The following MEP1B variants were observed in gnomAD, a reference collection of about 807,000 sequenced individuals.
MEP1B encodes the protein meprin A subunit beta.
Under a neutral mutation model 84.6 loss-of-function variants are expected in MEP1B, and 80 were observed. The observed-to-expected ratio is 0.95, with a 90% CI of 0.79 to 1.14. MEP1B has a LOEUF of 1.14. Ranked by LOEUF, MEP1B falls within the 50% of genes most tolerant of loss-of-function variation. The pLI, the probability that MEP1B is intolerant of heterozygous loss-of-function variation, is 0.00. For synonymous variants in MEP1B, 273 were observed against 288.1 expected, an observed-to-expected ratio of 0.95 and a Z score of 0.53; for missense variants, 766 against 855.1, an observed-to-expected ratio of 0.90 and a Z score of 1.30.
intron 14 of MEP1B, among the ~76,000 whole-genome samples, 160 bp downstream of exon 14, chr18:32,218,125 T>G (rs1004228352): frequency 6.6e-6 from 1 of 152,376 alleles, no homozygotes; most frequent in East Asian, 1.9e-4. Context: ...TTACTTTCAC[T>G]GTAAATCAAC....
chr18:32,211,079 C>T (rs1199324557), intron 10 of MEP1B, among the ~76,000 whole-genome samples: 1 of 152,030 alleles, frequency 6.6e-6, no homozygotes, highest in Non-Finnish European at 1.5e-5. Context: ...GACTGGTCAA[C>T]ATATAGTGAA....
In MEP1B at chr18:32,207,968, A is replaced by G. The variant is rs910091880; in HGVS notation, c.767-151A>G. 7.0e-5 allele frequency: 50 copies of G among 716,064 alleles called. No homozygotes were observed. In the Admixed American group the frequency reaches 1.2e-3, roughly 17 times the overall value. 44.4% of individuals were successfully genotyped at this position (716,064 alleles called of 1,614,324 possible). ...CTTCTTTGTAGGGGTTCTGCAAATA[A>G]AGAGGGATCTTTAAGCCACCATCAT... On this transcript the variant is annotated intron_variant, in intron 8 of 14. Transcript: ENST00000269202.
At chr18:32,195,950 T>C (rs2040849196) in intron 5 of MEP1B, 1 of 279,880 alleles carries the variant, frequency 3.6e-6, no homozygotes. Flanking sequence ...ATGGCAGGTA[T>C]GCTCCTTTCT....
At position 32,213,341 on chromosome 18, in the gene MEP1B, A is replaced by G. The variant is rs762797063; in HGVS notation, c.1361A>G (p.Tyr454Cys). 6 of 1,613,620 alleles carry G rather than the reference A, an allele frequency of 3.7e-6. No individual in the cohort carries two copies. The African/African-American group carries it at 8.0e-5, about 22-fold the overall frequency. ...GGAACTCTGTATAGCCCTCCATTTT[A>G]CTCTTCTAAAGGTTATGCCTTTCAG... Reference protein sequence around the residue: ...PNGTLYSPPFYSSKGYAFQIY... With the variant: ...PNGTLYSPPFCSSKGYAFQIY... Residue 454 changes from tyrosine (Y) to cysteine (C), a missense_variant, in exon 11 of 15, where the codon TAC becomes TGC. Tyr to Cys is a radical substitution (Grantham distance 194). Coordinates refer to ENST00000269202, the MANE Select transcript of MEP1B (RefSeq NM_005925.3).
intron 6 of MEP1B, among the ~76,000 whole-genome samples, chr18:32,203,806 A>G (rs1489972518): frequency 6.6e-6 from 1 of 152,180 alleles, no homozygotes; most frequent in Non-Finnish European, 1.5e-5. Flanking sequence ...TGGAGCAGGC[A>G]TGTCGCATGG....
Position 32,210,658 on chromosome 18 carries a change from C to T in MEP1B, c.1077C>T (p.Ile359=). Residue 359 remains isoleucine (I), a synonymous_variant, in exon 10 of 15, where the codon ATC becomes ATT. Coordinates refer to ENST00000269202, the MANE Select transcript of MEP1B (RefSeq NM_005925.3). ...GSESDQLNIY[I]REYSADNVDG... ...AAAGTGATCAACTGAACATCTATAT[C>T]AGGGAGTATTCTGCAGACAATGTGG... 6.2e-7 allele frequency: 1 copy of T among 1,613,942 alleles called. No individual in the cohort carries two copies. Among genetic ancestry groups the T allele is most frequent in the Non-Finnish European group, 8.5e-7 (1 of 1,179,866 alleles).
Position 32,215,145 on chromosome 18 carries a change from G to C in MEP1B, c.1643G>C (p.Gly548Ala). 1.9e-6 allele frequency: 3 copies of C among 1,609,986 alleles called. No individual in the cohort carries two copies. The highest frequency in any genetic ancestry group is 2.5e-6 in the Non-Finnish European group (3 of 1,177,486). The change falls in exon 12 of 15, where the codon GGA (glycine) becomes GCA (alanine). Residue 548 changes from glycine to alanine, a missense_variant. Transcript: ENST00000269202. ...GGAACAGTGGCTTTGTTCTCTAATGGAACTCAGTTTAGAAGAGGTGGGGGC... is the reference window on the plus strand; with the variant it reads ...GGAACAGTGGCTTTGTTCTCTAATGCAACTCAGTTTAGAAGAGGTGGGGGC... ...KVGTVALFSN[G>A]TQFRRGGGYG...
Position 32,204,364 on chromosome 18 carries a change from C to T in MEP1B, c.547+4C>T. ...ATGTGGGACAGAATTCTGTCAGGTA[C>T]ATTTCTCTTTTTTTCCTATGTTTTT... On this transcript the variant is annotated splice_donor_region_variant and intron_variant, in intron 7 of 14. Coordinates refer to ENST00000269202, the MANE Select transcript of MEP1B (RefSeq NM_005925.3). The T allele has an allele frequency of 6.4e-7, 1 of 1,574,378 alleles. No individual in the cohort carries two copies. Among genetic ancestry groups the T allele is most frequent in the Non-Finnish European group, 8.6e-7 (1 of 1,158,030 alleles).
At chr18:32,201,741 C>T (rs28451536) in intron 5 of MEP1B, among the ~76,000 whole-genome samples, 4,307 of 152,066 alleles carry the variant, frequency 0.028, 179 homozygotes, top group African/African-American at 0.096. Flanking sequence ...TTATTTATAA[C>T]GATAGTGTAT....
chr18:32,213,402 G>A lies in MEP1B; in HGVS notation c.1422G>A (p.Gly474=). The A allele has an allele frequency of 5.0e-6, 8 of 1,613,860 alleles. No individual in the cohort carries two copies. The highest frequency in any genetic ancestry group is 6.8e-6 in the Non-Finnish European group (8 of 1,179,830). Residue 474 remains glycine (G), a synonymous_variant, in exon 11 of 15, where the codon GGG becomes GGA. Transcript: ENST00000269202. ...YLNLAHVTNA[G]IYFHLISGAN... ...ATCTAGCCCATGTGACTAATGCAGG[G>A]ATATATTTCCACTTGATCTCTGGAG...
chr18:32,216,657 C>G (rs954138507), intron 12 of MEP1B, among the ~76,000 whole-genome samples: 1 of 152,206 alleles, frequency 6.6e-6, no homozygotes. Context: ...TAGTTCTTAT[C>G]TCGCTGCCTA....
At chr18:32,205,127 C>T (rs1227644220) in intron 7 of MEP1B, among the ~76,000 whole-genome samples, 2 of 152,182 alleles carry the variant, frequency 1.3e-5, no homozygotes, top group African/African-American at 4.8e-5. Flanking sequence ...AATTGTAAAT[C>T]TCTAAGAAAA....
rs138989509 is a variant in MEP1B, at chr18:32,213,202, T to A, written c.1222T>A (p.Ser408Thr). ...FRVVFEGRKG[S>T]GASLGGLSID... is the part of the protein sequence containing the mutation. ...AGTGGTGTTTGAAGGACGCAAAGGC[T>A]CTGGTGCATCACTGGGTGGTCTGTC... Residue 408 changes from serine (S) to threonine (T), a missense_variant, in exon 11 of 15, where the codon TCT becomes ACT. Transcript: ENST00000269202. 1,239 of 1,614,004 alleles carry A rather than the reference T, an allele frequency of 7.7e-4. 8 individuals are homozygous for A. The African/African-American group carries it at 0.014, about 18-fold the overall frequency.
At position 32,196,574 on chromosome 18, in the gene MEP1B, C is replaced by T; in HGVS notation, c.250+1089C>T. On this transcript the variant is annotated intron_variant, in intron 5 of 14. Coordinates refer to ENST00000269202, the MANE Select transcript of MEP1B (RefSeq NM_005925.3). The surrounding 1 kb of genome is among the most constrained non-coding windows in gnomAD (Gnocchi z 4.4). ...CTTGGTACTTGGTGCTGACGGCCAGCGCGTTGTCCAGGAAGCACAGCGACA... is the reference window on the plus strand; with the variant it reads ...CTTGGTACTTGGTGCTGACGGCCAGTGCGTTGTCCAGGAAGCACAGCGACA... 2.8e-6 allele frequency: 2 copies of T among 714,020 alleles called. No homozygotes were observed. The highest frequency in any genetic ancestry group is 2.6e-6 in the Non-Finnish European group (1 of 388,688). The allele number at this position is 714,020 out of a possible 1,614,324, so 44.2% of individuals were successfully genotyped here.
chr18:32,220,224 C>T lies in MEP1B; in HGVS notation c.2092-7C>T, dbSNP rs1427250750. The T allele has an allele frequency of 1.9e-6, 3 of 1,605,944 alleles. No individual in the cohort carries two copies. The highest frequency in any genetic ancestry group is 2.2e-5 in the East Asian group (1 of 44,772). On this transcript the variant is annotated splice_polypyrimidine_tract_variant and splice_region_variant and intron_variant, in intron 14 of 14. Transcript: ENST00000269202. The stretch of plus-strand genomic sequence containing the variant: ...ATTAAATCATCAATTGTTCTTTCCC[C>T]TTTTAGCAGCATGCTTTTTGAAGAT...
At chr18:32,210,373 T>C in intron 9 of MEP1B, 128 bp from the exon 10 acceptor site, 5 of 757,304 alleles carry the variant, frequency 6.6e-6, no homozygotes, top group Non-Finnish European at 1.0e-5. Context: ...GCTTCTGTCA[T>C]TTCTCCCTGG....
intron 5 of MEP1B, among the ~76,000 whole-genome samples, chr18:32,200,739 C>T (rs16962825): frequency 0.079 from 12,058 of 152,242 alleles, 528 homozygotes; most frequent in East Asian, 0.11. Flanking sequence ...AGGAGTAATA[C>T]TCATAGCAGC....
Position 32,208,173 on chromosome 18 carries a change from G to A in MEP1B, c.821G>A (p.Gly274Asp). 1 of 1,613,902 alleles carries A rather than the reference G, an allele frequency of 6.2e-7. No individual in the cohort carries two copies. The highest frequency in any genetic ancestry group is 1.1e-5 in the South Asian group (1 of 91,070). The change falls in exon 9 of 15, where the codon GGC (glycine) becomes GAC (aspartate). Residue 274 changes from glycine (G) to aspartate (D), a missense_variant. Physicochemically the swap from Gly to Asp is moderately conservative, Grantham distance 94 (BLOSUM62 -1). Coordinates refer to ENST00000269202, the MANE Select transcript of MEP1B (RefSeq NM_005925.3). ...AGTTTTGAACTGGAAAATGTGTGTG[G>A]CATGATCCAAAGTTCAGGAGATAAT... is the stretch of plus-strand genomic sequence containing the variant. ...SCSFELENVC[G>D]MIQSSGDNAD...
At chr18:32,205,867 C>T (rs906026927) in intron 7 of MEP1B, among the ~76,000 whole-genome samples, 6 of 152,214 alleles carry the variant, frequency 3.9e-5, no homozygotes, top group Non-Finnish European at 5.9e-5. Flanking sequence ...ATGACTAAAA[C>T]AAGCTACTTA....
Sources: gnomAD v4.1 joint callset for allele counts (sites outside exome capture counted in the v4.1 genomes callset) on GRCh38, gnomAD v4.1.1 for gene constraint, Gnocchi (gnomAD v3.1) non-coding constraint, MANE v1.5 for transcripts, NCBI Gene and HGNC (gene_info 2026-07-23, HGNC 2026-07-21) for gene names.